The following GABBR2 variants were observed in gnomAD, a reference collection of about 807,000 sequenced individuals.
GABBR2 encodes the protein gamma-aminobutyric acid type B receptor subunit 2, also known as G-protein coupled receptor 51.
Under a neutral mutation model 105.6 loss-of-function variants are expected in GABBR2, and 23 were observed. The observed-to-expected ratio is 0.22, with a 90% CI of 0.16 to 0.31. GABBR2 has a LOEUF of 0.31. GABBR2 is among the 10% of genes least tolerant of loss of function. The pLI is 1.00. For missense variants in GABBR2, 734 were observed against 1,245.5 expected, an observed-to-expected ratio of 0.59 and a Z score of 6.18; for synonymous variants, 478 against 499.7, an observed-to-expected ratio of 0.96 and a Z score of 0.58.
intron 7 of GABBR2, among the ~76,000 whole-genome samples, chr9:98,406,644 T>C (rs930362575): frequency 6.6e-6 from 1 of 152,216 alleles, no homozygotes; most frequent in African/African-American, 2.4e-5. Flanking sequence ...TTCTAAGTTT[T>C]TCCTGAATGG....
chr9:98,342,918 G>T (rs1831238182), intron 13 of GABBR2, among the ~76,000 whole-genome samples: 1 of 152,222 alleles, frequency 6.6e-6, no homozygotes, highest in Admixed American at 6.5e-5. Context: ...GCTGTTTCCT[G>T]AAAGTGCCTG....
At chr9:98,554,125 C>T (rs1449483686) in intron 2 of GABBR2, among the ~76,000 whole-genome samples, 2 of 152,158 alleles carry the variant, frequency 1.3e-5, no homozygotes, top group African/African-American at 2.4e-5. Context: ...GAATGACGTC[C>T]TCGCTCCAAT....
At chr9:98,642,029 C>T (rs988589148) in intron 1 of GABBR2, among the ~76,000 whole-genome samples, 2 of 152,198 alleles carry the variant, frequency 1.3e-5, no homozygotes, top group African/African-American at 4.8e-5. Flanking sequence ...ACGGCTACTT[C>T]CCGCTTACGG....
At chr9:98,692,278 G>A (rs1830691248) in intron 1 of GABBR2, among the ~76,000 whole-genome samples, 1 of 152,124 alleles carries the variant, frequency 6.6e-6, no homozygotes, top group African/African-American at 2.4e-5. Context: ...GCTCCTGAAT[G>A]GAACTCAGTG....
At chr9:98,648,437 C>T (rs1026704889) in intron 1 of GABBR2, among the ~76,000 whole-genome samples, 2 of 152,120 alleles carry the variant, frequency 1.3e-5, no homozygotes, top group Non-Finnish European at 2.9e-5. Context: ...CTGGCCCATA[C>T]AGGATATACT....
chr9:98,425,099 T>A (rs1280872302), intron 7 of GABBR2, among the ~76,000 whole-genome samples: 2 of 152,042 alleles, frequency 1.3e-5, no homozygotes, highest in South Asian at 4.1e-4. Context: ...ATATTATATA[T>A]ATAATACATT....
intron 13 of GABBR2, among the ~76,000 whole-genome samples, chr9:98,323,222 C>T (rs1316017204): frequency 1.3e-5 from 2 of 152,310 alleles, no homozygotes; most frequent in African/African-American, 2.4e-5. Flanking sequence ...CATGGTGTGG[C>T]GGGACTGGGT....
chr9:98,577,575 T>C (rs2808533), intron 2 of GABBR2, among the ~76,000 whole-genome samples: 116,455 of 152,142 alleles, frequency 0.77, 45,753 homozygotes, highest in African/African-American at 0.94. Flanking sequence ...GGCGCATGTG[T>C]GGAAAGGCAG....
intron 3 of GABBR2, among the ~76,000 whole-genome samples, chr9:98,529,623 C>T (rs1281801301): frequency 6.6e-6 from 1 of 152,124 alleles, no homozygotes; most frequent in African/African-American, 2.4e-5. Context: ...AATTAAAAAA[C>T]AATAATTAGT....
intron 11 of GABBR2, among the ~76,000 whole-genome samples, chr9:98,382,283 C>A (rs1831991103): frequency 6.6e-6 from 1 of 152,146 alleles, no homozygotes; most frequent in Non-Finnish European, 1.5e-5. Context: ...CTCAGGGATG[C>A]CACTGAGAAA....
intron 13 of GABBR2, among the ~76,000 whole-genome samples, chr9:98,325,222 T>A (rs1360971498): frequency 1.3e-5 from 2 of 151,938 alleles, no homozygotes; most frequent in African/African-American, 4.8e-5. Flanking sequence ...CTTCAGGGAC[T>A]TTTTCCACTG....
intron 13 of GABBR2, among the ~76,000 whole-genome samples, chr9:98,358,897 T>C (rs1299834408): frequency 2.0e-5 from 3 of 152,008 alleles, no homozygotes; most frequent in Non-Finnish European, 4.4e-5. Context: ...TGGGGTTGGG[T>C]GGCAACATGG....
intron 3 of GABBR2, among the ~76,000 whole-genome samples, chr9:98,529,616 T>C (rs537028559): frequency 6.6e-6 from 1 of 152,282 alleles, no homozygotes; most frequent in South Asian, 2.1e-4. Flanking sequence ...ATATTACAAT[T>C]AAAAAACAAT....
At chr9:98,483,436 A>G (rs930670215) in intron 4 of GABBR2, among the ~76,000 whole-genome samples, 4 of 152,152 alleles carry the variant, frequency 2.6e-5, no homozygotes, top group Non-Finnish European at 4.4e-5. Flanking sequence ...TGATTGTGTG[A>G]AATCTGTCCA....
chr9:98,539,456 T>A (rs1050415422), intron 3 of GABBR2, among the ~76,000 whole-genome samples: 3 of 152,150 alleles, frequency 2.0e-5, no homozygotes, highest in Non-Finnish European at 4.4e-5. Flanking sequence ...CAAAATTTAG[T>A]CCTGACTTTT....
At chr9:98,605,390 C>T (rs1458794512) in intron 1 of GABBR2, among the ~76,000 whole-genome samples, 1 of 152,172 alleles carries the variant, frequency 6.6e-6, no homozygotes, top group African/African-American at 2.4e-5. Flanking sequence ...CTGCAGTGGG[C>T]CACTCGCCAC....
At chr9:98,669,355 T>A (rs1830378610) in intron 1 of GABBR2, among the ~76,000 whole-genome samples, 1 of 152,224 alleles carries the variant, frequency 6.6e-6, no homozygotes, top group African/African-American at 2.4e-5. Context: ...TTCGTTTATC[T>A]TCTTTGGAGA....
At chr9:98,438,221 A>G (rs933994285) in intron 7 of GABBR2, among the ~76,000 whole-genome samples, 7 of 150,518 alleles carry the variant, frequency 4.7e-5, no homozygotes, top group African/African-American at 1.5e-4. Flanking sequence ...CCATCCATCT[A>G]TATCTATACA....
intron 3 of GABBR2, among the ~76,000 whole-genome samples, chr9:98,539,921 A>G (rs545157425): frequency 1.3e-4 from 20 of 151,826 alleles, no homozygotes; most frequent in African/African-American, 4.8e-4. Context: ...TCTAAAAAAA[A>G]AAAAAAAAAA....
Sources: gnomAD v4.1 joint callset for allele counts (sites outside exome capture counted in the v4.1 genomes callset) on GRCh38, gnomAD v4.1.1 for gene constraint, MANE v1.5 for transcripts, NCBI Gene and HGNC (gene_info 2026-07-23, HGNC 2026-07-21) for gene names.